SHPRH: variants seen among roughly 807,000 people sequenced by gnomAD.
The protein encoded by SHPRH is SNF2 histone linker PHD RING helicase, also known as E3 ubiquitin-protein ligase SHPRH.
A neutral mutation model predicts 202.5 loss-of-function variants in SHPRH; 106 were observed. That is an observed-to-expected ratio of 0.52 (90% CI 0.45 to 0.62). The LOEUF (loss-of-function observed/expected upper bound fraction) is 0.62. Ranked by LOEUF, SHPRH falls within the 20% of genes least tolerant of loss-of-function variation. The probability of loss-of-function intolerance (pLI) is 0.00; values close to 1 mark genes in which losing one functional copy is unlikely to be tolerated. For synonymous variants in SHPRH, 729 were observed against 686.0 expected (o/e 1.06, Z -0.98); for missense variants, 1,710 against 2,020.0 (o/e 0.85, Z 2.94).
At chr6:145,867,631 T>TATATATAGAGAGAGAGAGAG (rs1554220329) in intron 2 of SHPRH, among the ~76,000 whole-genome samples, 6 of 22,316 alleles carry the variant, frequency 2.7e-4, no homozygotes, top group African/African-American at 6.5e-4. Context: ...TATATATATA[T>TATATATAGAGAGAGAGAGAG]AGAGAGAGAG....
chr6:145,945,669 AAAT>A (rs1410345558), intron 7 of SHPRH, 32 bp from the exon 8 acceptor site: 3 of 1,542,846 alleles, frequency 1.9e-6, no homozygotes, highest in Non-Finnish European at 1.7e-6. Context: ...AAATCAGTCA[AAAT>A]AATTAAAATG....
intron 2 of SHPRH, among the ~76,000 whole-genome samples, chr6:145,866,027 G>A (rs1779766121): frequency 6.6e-6 from 1 of 152,168 alleles, no homozygotes. Flanking sequence ...TGATTCCATG[G>A]AGCTATTTTA....
Position 145,945,538 on chromosome 6 carries a change from T to C in SHPRH, c.1421A>G (p.Tyr474Cys). The change falls in exon 8 of 30, where the codon TAC (tyrosine) becomes TGC (cysteine). Residue 474 changes from tyrosine (Y) to cysteine (C), a missense_variant. By Grantham distance (194) the Tyr-to-Cys change is radical (BLOSUM62 -2). This residue lies in a region of SHPRH where 348 missense variants were observed against 356.9 expected (regional missense o/e 0.97). Coordinates refer to ENST00000275233, the MANE Select transcript of SHPRH (RefSeq NM_001042683.3). ...IYKYVSSIYR[Y>C]DVQRNRSLLK... Reference sequence around the variant, plus strand: ...AAGACTCCTGTTCCGTTGAACATCGTATCTATATATAGAACTGACATACTT... The same window carrying C: ...AAGACTCCTGTTCCGTTGAACATCGCATCTATATATAGAACTGACATACTT... 1 of 1,613,290 alleles carries C rather than the reference T, an allele frequency of 6.2e-7. No individual in the cohort carries two copies. The highest frequency in any genetic ancestry group is 2.2e-5 in the East Asian group (1 of 44,810).
chr6:145,951,955 CTTTATGGGAA>C (rs1473832652), intron 3 of SHPRH: 3 of 452,058 alleles, frequency 6.6e-6, no homozygotes, highest in Non-Finnish European at 1.3e-5. Flanking sequence ...GTTATCTGGT[CTTTATGGGAA>C]CCAGGCTTTT....
intron 9 of SHPRH, among the ~76,000 whole-genome samples, chr6:145,942,160 A>G (rs148840487): frequency 4.4e-4 from 67 of 152,352 alleles, no homozygotes; most frequent in African/African-American, 1.5e-3. Context: ...AACCTGAGGT[A>G]TATCTTAAAG....
At chr6:145,938,546 T>G (rs1388169828) in intron 11 of SHPRH, among the ~76,000 whole-genome samples, 1 of 152,070 alleles carries the variant, frequency 6.6e-6, no homozygotes, top group Non-Finnish European at 1.5e-5. Flanking sequence ...TCGAAGACAT[T>G]AAAATAAATA....
At chr6:145,907,020 A>T (rs970516929) in intron 25 of SHPRH, 4 of 152,134 alleles carry the variant, frequency 2.6e-5, no homozygotes, top group Non-Finnish European at 4.4e-5. Context: ...TGGACTTCAT[A>T]GGACTCAATC....
intron 2 of SHPRH, among the ~76,000 whole-genome samples, chr6:145,877,335 T>G (rs1477513137): frequency 3.3e-5 from 5 of 152,182 alleles, no homozygotes; most frequent in African/African-American, 4.8e-5. Flanking sequence ...ATTGTCTATC[T>G]TTTGACTATA....
At chr6:145,948,137 G>T in intron 5 of SHPRH, 135 bp downstream of exon 5, 1 of 553,214 alleles carries the variant, frequency 1.8e-6, no homozygotes, top group Non-Finnish European at 3.1e-6. Flanking sequence ...CCTATCCATA[G>T]ATATGTCTAA....
intron 25 of SHPRH, among the ~76,000 whole-genome samples, chr6:145,899,594 A>G (rs1782316540): frequency 6.6e-6 from 1 of 152,144 alleles, no homozygotes; most frequent in South Asian, 2.1e-4. Flanking sequence ...CTACTTGACA[A>G]TGATCTTGGT....
intron 23 of SHPRH, among the ~76,000 whole-genome samples, chr6:145,915,048 T>C (rs1170841809): frequency 6.7e-6 from 1 of 149,690 alleles, no homozygotes; most frequent in African/African-American, 2.4e-5. Context: ...TAGATTAAAT[T>C]ATCTTAAAAT....
chr6:145,887,362 C>A (rs1212219496), intron 29 of SHPRH, among the ~76,000 whole-genome samples: 1 of 151,934 alleles, frequency 6.6e-6, no homozygotes. Flanking sequence ...TCCTACCTAC[C>A]TCCTAAAGAT....
chr6:145,909,007 C>G (rs1783232604), intron 25 of SHPRH: 1 of 152,022 alleles, frequency 6.6e-6, no homozygotes, highest in Non-Finnish European at 1.5e-5. Flanking sequence ...CCAATAGGAT[C>G]CTTTCCCCAT....
intron 21 of SHPRH, 35 bp from the exon 22 acceptor site, chr6:145,919,526 G>C: frequency 6.2e-7 from 1 of 1,604,964 alleles, no homozygotes; most frequent in Non-Finnish European, 8.5e-7. Flanking sequence ...CAGTGGTAAA[G>C]CATGTAATTA....
intron 29 of SHPRH, 25 bp from the exon 30 acceptor site, chr6:145,886,812 A>C: frequency 6.2e-7 from 1 of 1,603,638 alleles, no homozygotes; most frequent in Non-Finnish European, 8.5e-7. Context: ...AAATGAGCAC[A>C]GTCAGAAAGA....
At chr6:145,955,426 A>C (rs1450215930) in intron 1 of SHPRH, 72 bp from the exon 2 acceptor site, 8 of 1,394,780 alleles carry the variant, frequency 5.7e-6, no homozygotes, top group Non-Finnish European at 5.8e-6. Flanking sequence ...CAGATGAGAA[A>C]TTCAGCATAA....
chr6:145,933,574 A>C (rs1454332301), intron 13 of SHPRH, among the ~76,000 whole-genome samples: 1 of 152,226 alleles, frequency 6.6e-6, no homozygotes, highest in Non-Finnish European at 1.5e-5. Flanking sequence ...TCTAAGGTTA[A>C]ATGCCATTCC....
At chr6:145,921,866 G>A (rs931952008) in intron 20 of SHPRH, among the ~76,000 whole-genome samples, 3 of 152,048 alleles carry the variant, frequency 2.0e-5, no homozygotes, top group Non-Finnish European at 4.4e-5. Context: ...GAATCCAGGT[G>A]TTTGTGACAA....
At chr6:145,868,298 G>C (rs1779894507) in intron 2 of SHPRH, among the ~76,000 whole-genome samples, 1 of 152,132 alleles carries the variant, frequency 6.6e-6, no homozygotes, top group Non-Finnish European at 1.5e-5. Flanking sequence ...AGGCCCTGGG[G>C]GTTAGGACCT....
Sources: gnomAD v4.1 joint callset for allele counts (sites outside exome capture counted in the v4.1 genomes callset) on GRCh38, gnomAD v4.1.1 for gene constraint, gnomAD v4.1.1 regional missense constraint, MANE v1.5 for transcripts, NCBI Gene and HGNC (gene_info 2026-07-23, HGNC 2026-07-21) for gene names.